Variants in VPS54 observed in about 807,000 individuals in gnomAD.
The protein encoded by VPS54 is vacuolar protein sorting-associated protein 54.
Under a neutral mutation model 121.5 loss-of-function variants are expected in VPS54, and 45 were observed. The observed-to-expected ratio is 0.37, with a 90% CI of 0.29 to 0.47. The LOEUF (loss-of-function observed/expected upper bound fraction) is 0.47, where lower values mean the gene tolerates loss of function less well. Among genes scored for constraint, VPS54 ranks in the 20% least tolerant of loss-of-function variants. VPS54 has a pLI of 0.99. For synonymous variants in VPS54, 371 were observed against 385.8 expected (o/e 0.96, Z 0.45); for missense variants, 1,090 against 1,131.4 (o/e 0.96, Z 0.52).
rs573071262 is a variant in VPS54 at position 63,959,948 on chromosome 2, A to G, written c.1010+2110T>C. Among the ~76,000 whole-genome samples, 6 of 152,222 alleles carry G rather than the reference A, an allele frequency of 3.9e-5. No homozygotes were observed. The East Asian group carries it at 7.7e-4, about 20-fold the overall frequency. On this transcript the variant is annotated intron_variant, in intron 7 of 22. Coordinates refer to ENST00000272322, the MANE Select transcript of VPS54 (RefSeq NM_016516.3). The stretch of plus-strand genomic sequence containing the variant: ...GGCAGGAGAATCGCTTGAACCCGGG[A>G]GGAGGAGGTTGCAGTGAACCGAGAT...
intron 7 of VPS54, among the ~76,000 whole-genome samples, chr2:63,958,141 G>A (rs1026036927): frequency 6.6e-6 from 1 of 152,044 alleles, no homozygotes; most frequent in Non-Finnish European, 1.5e-5. Flanking sequence ...TCTTGTCCAA[G>A]ACATTTAAAT....
intron 1 of VPS54, among the ~76,000 whole-genome samples, chr2:64,007,848 T>C (rs771470239): frequency 6.6e-6 from 1 of 152,048 alleles, no homozygotes; most frequent in African/African-American, 2.4e-5. Context: ...GTAAGTAGCA[T>C]CAACATGCTG....
chr2:63,970,193 T>A, intron 4 of VPS54, among the ~76,000 whole-genome samples: 1 of 93,364 alleles, frequency 1.1e-5, no homozygotes, highest in African/African-American at 4.4e-5. Flanking sequence ...TTCTTTCCCA[T>A]TAAAAAAAAA....
At chr2:63,893,586 ATAAT>A (rs1278200138) in intron 22 of VPS54, 51 bp from the exon 23 acceptor site, 9 of 1,513,856 alleles carry the variant, frequency 5.9e-6, no homozygotes, top group East Asian at 2.3e-5. Context: ...TTCTATTCAG[ATAAT>A]TAAAGTAACA....
chr2:63,922,755 A>T (rs1317270735), intron 12 of VPS54, among the ~76,000 whole-genome samples: 1 of 152,224 alleles, frequency 6.6e-6, no homozygotes, highest in Non-Finnish European at 1.5e-5. Flanking sequence ...TACCTGCAAA[A>T]TTCTTGCTTA....
chr2:63,899,371 G>T, intron 21 of VPS54, 103 bp downstream of exon 21: 4 of 911,340 alleles, frequency 4.4e-6, no homozygotes, highest in Non-Finnish European at 6.6e-6. Flanking sequence ...AATCATATTG[G>T]AACATGAACA....
chr2:63,908,565 A>G (rs562466196), intron 20 of VPS54, among the ~76,000 whole-genome samples: 7 of 152,184 alleles, frequency 4.6e-5, no homozygotes, highest in African/African-American at 1.7e-4. Context: ...AATAAACCTG[A>G]TATGAATTGC....
intron 3 of VPS54, among the ~76,000 whole-genome samples, chr2:63,980,946 G>C (rs1676775290): frequency 6.6e-6 from 1 of 151,888 alleles, no homozygotes. Flanking sequence ...GAATAAAAAT[G>C]AACCAGATGC....
intron 4 of VPS54, among the ~76,000 whole-genome samples, chr2:63,971,929 AG>A (rs1254338218): frequency 1.3e-5 from 2 of 152,210 alleles, no homozygotes; most frequent in Non-Finnish European, 2.9e-5. Context: ...TTAAGCAACA[AG>A]GAACATACCA....
At chr2:63,997,987 G>C (rs76936108) in intron 1 of VPS54, among the ~76,000 whole-genome samples, 1,870 of 152,114 alleles carry the variant, frequency 0.012, 17 homozygotes, top group Non-Finnish European at 0.015. Context: ...GTGTTTGTAT[G>C]GTTTCCAGAA....
chr2:63,994,285 T>C (rs1677476364), intron 1 of VPS54, among the ~76,000 whole-genome samples: 1 of 152,250 alleles, frequency 6.6e-6, no homozygotes, highest in Non-Finnish European at 1.5e-5. Context: ...GCACTGAATC[T>C]CGCTTACACT....
chr2:63,900,220 CA>C (rs70965149), intron 20 of VPS54, among the ~76,000 whole-genome samples: 10,924 of 62,556 alleles, frequency 0.17, 175 homozygotes, highest in Non-Finnish European at 0.22. Flanking sequence ...AACTCTGTCT[CA>C]AAAAAAAAAA....
intron 1 of VPS54, 103 bp from the exon 2 acceptor site, chr2:63,984,122 A>C: frequency 9.7e-7 from 1 of 1,030,594 alleles, no homozygotes; most frequent in South Asian, 2.8e-5. Flanking sequence ...TTTTCAAAAT[A>C]CCTCAAAGTA....
At chr2:64,012,531 T>C (rs7602730) in intron 1 of VPS54, among the ~76,000 whole-genome samples, 4,518 of 150,574 alleles carry the variant, frequency 0.03, 235 homozygotes, top group African/African-American at 0.11. Flanking sequence ...TTCTCATCTA[T>C]ACACAACTCT....
At chr2:63,910,252 G>GT (rs1415566249) in intron 20 of VPS54, among the ~76,000 whole-genome samples, 33 of 152,222 alleles carry the variant, frequency 2.2e-4, no homozygotes, top group African/African-American at 7.9e-4. Context: ...CAGGAAGAAT[G>GT]TAATATGCCA....
intron 22 of VPS54, among the ~76,000 whole-genome samples, chr2:63,896,796 G>C (rs1321413726): frequency 6.6e-6 from 1 of 152,032 alleles, no homozygotes; most frequent in African/African-American, 2.4e-5. Flanking sequence ...AATGATCAGT[G>C]CTTTAAATTT....
chr2:63,995,557 A>G (rs901863529), intron 1 of VPS54, among the ~76,000 whole-genome samples: 6 of 152,226 alleles, frequency 3.9e-5, no homozygotes, highest in Admixed American at 3.9e-4. Context: ...ATGGCGTTAC[A>G]TCAGTCTATT....
chr2:63,903,765 A>G (rs1672786548), intron 20 of VPS54, among the ~76,000 whole-genome samples: 1 of 152,170 alleles, frequency 6.6e-6, no homozygotes, highest in African/African-American at 2.4e-5. Flanking sequence ...ACAGAAATAT[A>G]GCTAGTACAC....
intron 16 of VPS54, among the ~76,000 whole-genome samples, chr2:63,915,241 C>A (rs1412153004): frequency 6.8e-6 from 1 of 146,418 alleles, no homozygotes; most frequent in East Asian, 2.0e-4. Flanking sequence ...TAAAAAGACA[C>A]ACTACTGGGA....
Sources: gnomAD v4.1 joint callset for allele counts (sites outside exome capture counted in the v4.1 genomes callset) on GRCh38, gnomAD v4.1.1 for gene constraint, MANE v1.5 for transcripts, NCBI Gene and HGNC (gene_info 2026-07-23, HGNC 2026-07-21) for gene names.